The following SCN1A variants were observed in gnomAD, a reference collection of about 807,000 sequenced individuals.
SCN1A encodes sodium channel protein type 1 subunit alpha.
Under a neutral mutation model 193.7 loss-of-function variants are expected in SCN1A, and 13 were observed. That is an observed-to-expected ratio of 0.07 (90% CI 0.04 to 0.11). SCN1A has a LOEUF of 0.11. Ranked by LOEUF, SCN1A falls within the 10% of genes least tolerant of loss-of-function variation. The pLI, the probability that SCN1A is intolerant of heterozygous loss-of-function variation, is 1.00. For missense variants in SCN1A, 1,432 were observed against 2,451.1 expected, an observed-to-expected ratio of 0.58 and a Z score of 8.78; for synonymous variants, 781 against 843.6, an observed-to-expected ratio of 0.93 and a Z score of 1.29.
intron 1 of SCN1A, among the ~76,000 whole-genome samples, chr2:166,136,479 T>C (rs933897480): frequency 2.6e-5 from 4 of 152,180 alleles, no homozygotes; most frequent in African/African-American, 9.7e-5. Context: ...GAGTGTTCTC[T>C]CTCCCCTTTT....
intron 2 of SCN1A, among the ~76,000 whole-genome samples, chr2:166,089,710 G>A (rs112044016): frequency 3.9e-5 from 6 of 152,196 alleles, no homozygotes; most frequent in African/African-American, 9.6e-5. Context: ...GATGGAATGG[G>A]GGTAGAGAGT....
At chr2:166,074,188 G>C (rs372372710) in intron 3 of SCN1A, among the ~76,000 whole-genome samples, 1 of 152,156 alleles carries the variant, frequency 6.6e-6, no homozygotes, top group South Asian at 2.1e-4. Flanking sequence ...TCTTGACTGG[G>C]CTTTAACCTC....
At chr2:166,143,325 C>T (rs1214423342) in intron 1 of SCN1A, among the ~76,000 whole-genome samples, 1 of 152,010 alleles carries the variant, frequency 6.6e-6, no homozygotes, top group Non-Finnish European at 1.5e-5. Flanking sequence ...TGCCACCACG[C>T]CCGGCTAATT....
intron 4 of SCN1A, among the ~76,000 whole-genome samples, chr2:166,061,342 G>A (rs1683286959): frequency 6.6e-6 from 1 of 152,142 alleles, no homozygotes; most frequent in South Asian, 2.1e-4. Context: ...GCAAGATTCA[G>A]AAACCAAACA....
At chr2:166,037,639 A>G in intron 18 of SCN1A, 137 bp downstream of exon 18, 3 of 792,056 alleles carry the variant, frequency 3.8e-6, no homozygotes, top group South Asian at 1.7e-5. Flanking sequence ...CAAAACAGTC[A>G]CCATTAAATT....
Position 166,037,955 on chromosome 2 carries a change from T to C in SCN1A, c.2767A>G (p.Ile923Val), listed in dbSNP as rs2105807305. The C allele has an allele frequency of 1.2e-6, 2 of 1,614,188 alleles. No homozygotes were observed. Among genetic ancestry groups the C allele is most frequent in the Non-Finnish European group, 1.7e-6 (2 of 1,180,044 alleles). ...CGTGGGAGTTGACAATCACTGGCGA[T>C]CTTGCAGACACAATCTTTGTAGCTT... ...GKSYKDCVCK[I>V]ASDCQLPRWH... The change falls in exon 18 of 29, where the codon ATC (isoleucine) becomes GTC (valine). Residue 923 changes from isoleucine to valine, a missense_variant. By Grantham distance (29) the Ile-to-Val change is conservative (BLOSUM62 3). Around this residue, in one of 18 missense-constraint regions of SCN1A, gnomAD observed 93 missense variants for 260.4 expected, o/e 0.36. Coordinates refer to ENST00000674923, the MANE Select transcript of SCN1A (RefSeq NM_001165963.4).
intron 17 of SCN1A, among the ~76,000 whole-genome samples, chr2:166,039,222 T>C (rs947151194): frequency 2.6e-5 from 4 of 152,238 alleles, no homozygotes; most frequent in African/African-American, 9.6e-5. Context: ...AACTTTTACG[T>C]AACTATGTTC....
At chr2:166,008,730 A>C (rs1691994189) in intron 23 of SCN1A, among the ~76,000 whole-genome samples, 1 of 151,258 alleles carries the variant, frequency 6.6e-6, no homozygotes, top group Admixed American at 6.6e-5. Context: ...TACAAAGTGC[A>C]AATGGAAGTC....
At chr2:166,043,630 G>C (rs1378282761) in intron 14 of SCN1A, 39 bp downstream of exon 14, 10 of 1,571,658 alleles carry the variant, frequency 6.4e-6, no homozygotes, top group Non-Finnish European at 7.8e-6. Context: ...TGCAGCAATA[G>C]TGAGCCAGCC....
intron 2 of SCN1A, among the ~76,000 whole-genome samples, chr2:166,103,395 G>T (rs1301109369): frequency 6.6e-6 from 1 of 151,818 alleles, no homozygotes; most frequent in African/African-American, 2.4e-5. Flanking sequence ...AGGTTGCAGT[G>T]AGCCGAGTTC....
intron 13 of SCN1A, among the ~76,000 whole-genome samples, chr2:166,044,529 A>G (rs1697562697): frequency 6.6e-6 from 1 of 152,148 alleles, no homozygotes; most frequent in African/African-American, 2.4e-5. Context: ...TTTTTCACCT[A>G]TAAGGCATTG....
At chr2:165,999,668 A>T in intron 25 of SCN1A, 55 bp downstream of exon 25, 1 of 1,244,186 alleles carries the variant, frequency 8.0e-7, no homozygotes, top group Non-Finnish European at 1.2e-6. Context: ...TTATTCGATT[A>T]ATTTTACCAC....
In SCN1A at chr2:165,990,967, T is replaced by C. The variant is rs2105418528; in HGVS notation, c.*278A>G. 1 of 407,426 alleles carries C rather than the reference T, an allele frequency of 2.5e-6. No homozygotes were observed. The highest frequency in any genetic ancestry group is 2.0e-5 in the African/African-American group (1 of 49,758). The allele number at this position is 407,426 out of a possible 1,614,324, so 25.2% of individuals were successfully genotyped here. On this transcript the variant is annotated 3_prime_UTR_variant, in exon 29 of 29. Transcript: ENST00000674923. ...ATCACAGGTTTGCACCCCTTGAAAC[T>C]GGTCCCTACAGTCTGACTAGCCATT...
rs532942421 is a variant in SCN1A at position 166,089,285 on chromosome 2, A to G, written c.-141-11484T>C. Among the ~76,000 whole-genome samples the G allele has an allele frequency of 5.3e-4, 81 of 152,216 alleles. No individual in the cohort carries two copies. In the South Asian group the frequency reaches 9.1e-3, roughly 17 times the overall value. On this transcript the variant is annotated intron_variant, in intron 2 of 28. Coordinates refer to ENST00000674923, the MANE Select transcript of SCN1A (RefSeq NM_001165963.4). ...TATTCATTGTTTATCTGAAAGTCAAATATAACTGGACAGTTTGTATGTTTA... is the reference window on the plus strand; with the variant it reads ...TATTCATTGTTTATCTGAAAGTCAAGTATAACTGGACAGTTTGTATGTTTA...
At chr2:166,013,963 G>A in intron 20 of SCN1A, 65 bp from the exon 21 acceptor site, 1 of 1,567,310 alleles carries the variant, frequency 6.4e-7, no homozygotes, top group East Asian at 2.2e-5. Context: ...CTTTAGCAAT[G>A]TCCTTGTCTT....
At position 166,035,949 on chromosome 2, in the gene SCN1A, AT is replaced by A. The variant is rs1696281367; in HGVS notation, c.3429+98del. On this transcript the variant is annotated intron_variant, in intron 19 of 28. Transcript: ENST00000674923. ...TATCATAAAGTAAAAAAAAAAAAAA[AT>A]CTTAAGTCAAAACATCATTAAGCTG... 4.2e-6 allele frequency: 5 copies of A among 1,180,510 alleles called. No homozygotes were observed. The Admixed American group carries it at 6.5e-5, about 15-fold the overall frequency. The allele number at this position is 1,180,510 out of a possible 1,614,324, so 73.1% of individuals were successfully genotyped here.
chr2:166,000,525 C>A (rs1690681774), intron 24 of SCN1A, among the ~76,000 whole-genome samples: 1 of 151,604 alleles, frequency 6.6e-6, no homozygotes, highest in Non-Finnish European at 1.5e-5. Context: ...TCCTGTGGGC[C>A]TAAAAGGATT....
At position 166,073,478 on chromosome 2, in the gene SCN1A, G is replaced by T. The variant is rs886043534; in HGVS notation, c.144C>A (p.Gly48=). 6.2e-7 allele frequency: 1 copy of T among 1,614,140 alleles called. No homozygotes were observed. The highest frequency in any genetic ancestry group is 1.7e-5 in the Admixed American group (1 of 60,014). ...KPDKKDDDEN[G]PKPNSDLEAG... is the part of the protein sequence containing the mutation. ...CTTCCAAGTCACTATTTGGCTTTGG[G>T]CCATTTTCGTCGTCATCTTTTTTGT... The change falls in exon 4 of 29, where the codon GGC becomes GGA. Residue 48 remains glycine (G), a synonymous_variant. Transcript: ENST00000674923.
At chr2:166,061,464 CAA>C (rs1683298788) in intron 4 of SCN1A, among the ~76,000 whole-genome samples, 1 of 152,044 alleles carries the variant, frequency 6.6e-6, no homozygotes, top group Non-Finnish European at 1.5e-5. Context: ...CACAAAATTA[CAA>C]CTAGATAGGA....
Sources: gnomAD v4.1 joint callset for allele counts (sites outside exome capture counted in the v4.1 genomes callset) on GRCh38, gnomAD v4.1.1 for gene constraint, gnomAD v4.1.1 regional missense constraint, MANE v1.5 for transcripts, NCBI Gene and HGNC (gene_info 2026-07-23, HGNC 2026-07-21) for gene names.